The following MAGI2 variants were observed in gnomAD, a reference collection of about 807,000 sequenced individuals.
MAGI2 encodes the protein membrane associated guanylate kinase, WW and PDZ domain containing 2.
A neutral mutation model predicts 133.3 loss-of-function variants in MAGI2; 35 were observed. The observed-to-expected ratio is 0.26, with a 90% CI of 0.20 to 0.35. The LOEUF is 0.35. Ranked by LOEUF, MAGI2 falls within the 10% of genes least tolerant of loss-of-function variation. The pLI is 1.00. For missense variants in MAGI2, 1,636 were observed against 1,863.4 expected (o/e 0.88, Z 2.25); for synonymous variants, 729 against 710.6 (o/e 1.03, Z -0.41).
intron 9 of MAGI2, among the ~76,000 whole-genome samples, chr7:78,331,308 A>G (rs115861154): frequency 0.013 from 1,806 of 137,180 alleles, 49 homozygotes; most frequent in African/African-American, 0.049. Context: ...CCTCAGCGTC[A>G]CGCAATATAC....
At chr7:78,567,203 AC>A (rs1355153019) in intron 3 of MAGI2, among the ~76,000 whole-genome samples, 2 of 152,320 alleles carry the variant, frequency 1.3e-5, no homozygotes, top group East Asian at 3.9e-4. Context: ...TAATTGCTGT[AC>A]TTTTCTTCTA....
chr7:78,026,936 G>A (rs574977258), intron 21 of MAGI2, among the ~76,000 whole-genome samples: 2 of 152,178 alleles, frequency 1.3e-5, no homozygotes, highest in Non-Finnish European at 2.9e-5. Context: ...CTTACTAGAT[G>A]CCAGGCACTC....
At chr7:79,267,970 C>G (rs1253840599) in intron 1 of MAGI2, among the ~76,000 whole-genome samples, 4 of 152,032 alleles carry the variant, frequency 2.6e-5, no homozygotes, top group African/African-American at 9.7e-5. Context: ...TCTGAAAAAG[C>G]CTAGGTGTGA....
At chr7:78,671,810 C>A (rs903450431) in intron 2 of MAGI2, among the ~76,000 whole-genome samples, 1 of 152,060 alleles carries the variant, frequency 6.6e-6, no homozygotes, top group African/African-American at 2.4e-5. Flanking sequence ...TTATTTAAAA[C>A]CAAATCATGA....
chr7:78,655,973 T>C (rs1224278196), intron 2 of MAGI2, among the ~76,000 whole-genome samples: 1 of 102,480 alleles, frequency 9.8e-6, no homozygotes, highest in African/African-American at 3.7e-5. Flanking sequence ...AGAGCAAGAC[T>C]CCGTCTCAAA....
intron 1 of MAGI2, among the ~76,000 whole-genome samples, chr7:79,289,001 A>G (rs1354759563): frequency 2.0e-5 from 3 of 152,170 alleles, no homozygotes; most frequent in African/African-American, 7.2e-5. Flanking sequence ...TTTGGAGCCA[A>G]CTGAAACTGG....
chr7:78,619,031 A>G (rs965475035), intron 3 of MAGI2: 3 of 125,598 alleles, frequency 2.4e-5, no homozygotes, highest in Non-Finnish European at 5.3e-5. Context: ...AAAAAAAAAA[A>G]GAATTTCAAA....
At chr7:78,544,774 C>T (rs34065446) in intron 3 of MAGI2, among the ~76,000 whole-genome samples, 28,219 of 151,676 alleles carry the variant, frequency 0.19, 3,591 homozygotes, top group African/African-American at 0.37. Context: ...GTGGAGGTTG[C>T]GGTGAGCTGA....
At chr7:78,085,987 G>A (rs780487940) in intron 20 of MAGI2, among the ~76,000 whole-genome samples, 6 of 152,024 alleles carry the variant, frequency 3.9e-5, no homozygotes, top group Non-Finnish European at 5.9e-5. Flanking sequence ...TCTCCCTTCC[G>A]GAGCCTCCAT....
intron 1 of MAGI2, among the ~76,000 whole-genome samples, chr7:79,212,580 G>C (rs1829591973): frequency 6.6e-6 from 1 of 152,018 alleles, no homozygotes; most frequent in Non-Finnish European, 1.5e-5. Context: ...GGTTGGCCAT[G>C]GAGTCTTTAG....
intron 1 of MAGI2, among the ~76,000 whole-genome samples, chr7:79,338,914 G>C (rs939013460): frequency 3.3e-5 from 5 of 152,042 alleles, no homozygotes; most frequent in Non-Finnish European, 7.4e-5. Context: ...TCAGAGTCAA[G>C]GAAAAGAAAT....
chr7:78,180,825 T>A (rs1484075685), intron 13 of MAGI2, among the ~76,000 whole-genome samples: 1 of 152,134 alleles, frequency 6.6e-6, no homozygotes, highest in Non-Finnish European at 1.5e-5. Flanking sequence ...TTTGTTAATT[T>A]TGAACACAGA....
chr7:78,177,965 C>A, intron 14 of MAGI2, 46 bp downstream of exon 14: 1 of 1,315,078 alleles, frequency 7.6e-7, no homozygotes, highest in Non-Finnish European at 1.1e-6. Flanking sequence ...GGTGTTTACT[C>A]ATACAATACA....
At chr7:78,494,988 G>A (rs1793953635) in intron 5 of MAGI2, among the ~76,000 whole-genome samples, 2 of 152,142 alleles carry the variant, frequency 1.3e-5, no homozygotes, top group Non-Finnish European at 2.9e-5. Context: ...AGATAAACAA[G>A]GTTCAGGTAA....
At chr7:78,450,456 A>C (rs6961316) in intron 6 of MAGI2, among the ~76,000 whole-genome samples, 50,859 of 151,944 alleles carry the variant, frequency 0.33, 8,711 homozygotes, top group East Asian at 0.47. Flanking sequence ...TAAGTGTTCC[A>C]TAATTTTGCT....
chr7:79,118,495 G>A (rs1170813376), intron 1 of MAGI2, among the ~76,000 whole-genome samples: 1 of 152,012 alleles, frequency 6.6e-6, no homozygotes, highest in East Asian at 1.9e-4. Flanking sequence ...TTTAACCTTA[G>A]CTTTACTTAA....
At chr7:78,032,110 G>A (rs1447633569) in intron 21 of MAGI2, among the ~76,000 whole-genome samples, 1 of 146,524 alleles carries the variant, frequency 6.8e-6, no homozygotes, top group Non-Finnish European at 1.5e-5. Flanking sequence ...TTGTGTTATT[G>A]TATTTCAGCA....
intron 1 of MAGI2, among the ~76,000 whole-genome samples, chr7:79,233,985 G>T (rs1281649595): frequency 1.4e-5 from 2 of 145,130 alleles, no homozygotes; most frequent in South Asian, 4.5e-4. Context: ...TTTAGGGCAG[G>T]CCTGGTGGTG....
At chr7:79,273,692 A>G (rs1353762395) in intron 1 of MAGI2, among the ~76,000 whole-genome samples, 1 of 151,906 alleles carries the variant, frequency 6.6e-6, no homozygotes, top group Admixed American at 6.6e-5. Flanking sequence ...TTTATGGAAG[A>G]AAAACAGAAC....
Sources: allele counts gnomAD v4.1 joint callset (sites outside exome capture counted in the v4.1 genomes callset), GRCh38; gene constraint gnomAD v4.1.1; transcripts MANE v1.5; gene names NCBI Gene and HGNC (gene_info 2026-07-23, HGNC 2026-07-21).